Variants in CPNE4 observed in about 807,000 individuals in gnomAD.
CPNE4 encodes copine-4.
In CPNE4, 25 loss-of-function variants were observed where a neutral mutation model predicts 67.9. The ratio of observed to expected loss-of-function variants is 0.37; its 90% CI spans 0.27 to 0.51. The LOEUF is 0.51. Among genes scored for constraint, CPNE4 ranks in the 20% least tolerant of loss-of-function variants. CPNE4 has a pLI of 0.93. For missense variants in CPNE4, 464 were observed against 690.8 expected, an observed-to-expected ratio of 0.67 and a Z score of 3.68; for synonymous variants, 242 against 244.9, an observed-to-expected ratio of 0.99 and a Z score of 0.11.
At position 131,716,788 on chromosome 3, in the gene CPNE4, T is replaced by G. The variant is rs936504811; in HGVS notation, c.360+6658A>C. ...ACTATTATTATTTCCATTTTTCAAA[T>G]GAAGAAACTGAGGCTTAAGTGGCTG... On this transcript the variant is annotated intron_variant, in intron 3 of 15. Coordinates refer to ENST00000429747, the MANE Select transcript of CPNE4 (RefSeq NM_130808.3). Among the ~76,000 whole-genome samples, 15 of 152,342 alleles carry G rather than the reference T, an allele frequency of 9.8e-5. 1 individual carries two copies. Among genetic ancestry groups the G allele is most frequent in the Admixed American group, 6.5e-4 (10 of 15,306 alleles).
intron 2 of CPNE4, among the ~76,000 whole-genome samples, chr3:131,830,808 G>T (rs2085339321): frequency 1.3e-5 from 2 of 152,020 alleles, no homozygotes; most frequent in Non-Finnish European, 2.9e-5. Context: ...CCAATGCTTA[G>T]CATATAGTAG....
intron 1 of CPNE4, among the ~76,000 whole-genome samples, chr3:132,006,655 A>ATT (rs113475309): frequency 0.01 from 1,532 of 149,276 alleles, 22 homozygotes; most frequent in African/African-American, 0.03. Context: ...CTTTCTTTCC[A>ATT]TTTTTTTTTG....
intron 2 of CPNE4, among the ~76,000 whole-genome samples, chr3:131,850,842 C>T (rs547848588): frequency 6.6e-6 from 1 of 152,040 alleles, no homozygotes; most frequent in African/African-American, 2.4e-5. Flanking sequence ...AATCATACAT[C>T]TAGTAAGTAA....
chr3:131,753,147 T>C (rs2082671612), intron 2 of CPNE4, among the ~76,000 whole-genome samples: 1 of 151,890 alleles, frequency 6.6e-6, no homozygotes, highest in South Asian at 2.1e-4. Context: ...GAGTATTTAT[T>C]CATGAGAAAA....
At chr3:131,717,888 T>TTTC (rs1337160684) in intron 3 of CPNE4, among the ~76,000 whole-genome samples, 6 of 46,384 alleles carry the variant, frequency 1.3e-4, no homozygotes, top group African/African-American at 2.9e-4. Context: ...CTTTCTTTCT[T>TTTC]TCTTTCTTTC....
chr3:131,841,307 C>G (rs2085772875), intron 2 of CPNE4, among the ~76,000 whole-genome samples: 2 of 152,164 alleles, frequency 1.3e-5, no homozygotes, highest in South Asian at 4.2e-4. Flanking sequence ...TAGATGTGAA[C>G]ACAGGGTATT....
At chr3:131,981,812 T>G (rs1199951445) in intron 1 of CPNE4, among the ~76,000 whole-genome samples, 1 of 152,126 alleles carries the variant, frequency 6.6e-6, no homozygotes, top group African/African-American at 2.4e-5. Flanking sequence ...TTGACTCAGC[T>G]CCAAGTAAAG....
At chr3:131,614,093 T>C (rs965997420) in intron 7 of CPNE4, among the ~76,000 whole-genome samples, 2 of 152,148 alleles carry the variant, frequency 1.3e-5, no homozygotes, top group African/African-American at 4.8e-5. Context: ...TATTGGTTTG[T>C]AGCCCAAGTC....
chr3:131,990,295 T>C (rs1158539591), intron 1 of CPNE4, among the ~76,000 whole-genome samples: 1 of 136,470 alleles, frequency 7.3e-6, no homozygotes, highest in Non-Finnish European at 1.7e-5. Flanking sequence ...GTGCAGGCTA[T>C]AGGTTATTTT....
chr3:131,989,421 A>T (rs2073126781), intron 1 of CPNE4, among the ~76,000 whole-genome samples: 2 of 85,628 alleles, frequency 2.3e-5, no homozygotes, highest in Admixed American at 1.8e-4. Flanking sequence ...TAGGTGAGTA[A>T]ACAGAGGCTT....
At chr3:131,810,690 T>A (rs1211133184) in intron 2 of CPNE4, among the ~76,000 whole-genome samples, 1 of 152,070 alleles carries the variant, frequency 6.6e-6, no homozygotes, top group Non-Finnish European at 1.5e-5. Context: ...TGGGTATACA[T>A]CCAAAAGAAT....
intron 7 of CPNE4, among the ~76,000 whole-genome samples, chr3:131,592,521 C>T (rs560734383): frequency 3.9e-5 from 6 of 152,164 alleles, no homozygotes; most frequent in African/African-American, 1.4e-4. Context: ...AATTTACAGG[C>T]TTGGAGAGGG....
intron 2 of CPNE4, among the ~76,000 whole-genome samples, chr3:131,743,754 T>C (rs1206879129): frequency 6.6e-6 from 1 of 151,844 alleles, no homozygotes; most frequent in Non-Finnish European, 1.5e-5. Flanking sequence ...AATCTAAATA[T>C]AATAAATAAA....
chr3:131,733,754 G>T (rs2082178028), intron 2 of CPNE4, among the ~76,000 whole-genome samples: 1 of 152,256 alleles, frequency 6.6e-6, no homozygotes, highest in Non-Finnish European at 1.5e-5. Flanking sequence ...CTCAGATGTT[G>T]GTTATTAACA....
chr3:131,856,648 G>T (rs1173940017), intron 2 of CPNE4, among the ~76,000 whole-genome samples: 1 of 151,964 alleles, frequency 6.6e-6, no homozygotes, highest in East Asian at 1.9e-4. Flanking sequence ...ACTGAGAAAT[G>T]ATGGAACCTT....
chr3:131,613,880 AT>A (rs757966573), intron 7 of CPNE4, among the ~76,000 whole-genome samples: 16 of 152,086 alleles, frequency 1.1e-4, no homozygotes, highest in Non-Finnish European at 2.1e-4. Context: ...TCTACAAGAT[AT>A]TTTTTTAAGC....
intron 2 of CPNE4, among the ~76,000 whole-genome samples, chr3:131,852,567 T>C (rs1391842355): frequency 2.0e-5 from 3 of 151,980 alleles, no homozygotes; most frequent in Non-Finnish European, 1.5e-5. Flanking sequence ...CCATATTTTA[T>C]GGTGAAACAA....
chr3:131,582,976 C>T (rs1289374883), intron 8 of CPNE4, among the ~76,000 whole-genome samples: 1 of 152,158 alleles, frequency 6.6e-6, no homozygotes, highest in African/African-American at 2.4e-5. Flanking sequence ...CTAATTTTTT[C>T]ACTCAGCAAC....
chr3:131,575,167 GCA>G, intron 9 of CPNE4, 37 bp from the exon 10 acceptor site: 1 of 1,559,264 alleles, frequency 6.4e-7, no homozygotes, highest in Non-Finnish European at 8.8e-7. Flanking sequence ...GTTAATAACA[GCA>G]CAGTCTATTT....
Sources: gnomAD v4.1 joint callset for allele counts (sites outside exome capture counted in the v4.1 genomes callset) on GRCh38, gnomAD v4.1.1 for gene constraint, MANE v1.5 for transcripts, NCBI Gene and HGNC (gene_info 2026-07-23, HGNC 2026-07-21) for gene names.